Variants in SRCAP observed in about 807,000 individuals in gnomAD.
The protein encoded by SRCAP is chromatin remodeling protein SRCAP.
SRCAP carries 46 observed loss-of-function variants against 263.1 expected under a neutral mutation model. The observed-to-expected ratio is 0.17, with a 90% CI of 0.14 to 0.22. The LOEUF (loss-of-function observed/expected upper bound fraction) is 0.22, where lower values mean the gene tolerates loss of function less well. Among genes scored for constraint, SRCAP ranks in the 10% least tolerant of loss-of-function variants. SRCAP has a pLI of 1.00. For synonymous variants in SRCAP, 1,813 were observed against 1,662.1 expected (o/e 1.09, Z -2.21); for missense variants, 3,695 against 4,181.9 (o/e 0.88, Z 3.21).
chr16:30,699,758 C>A (rs548871574), intron 1 of SRCAP, 150 bp from the exon 2 acceptor site: 1 of 152,358 alleles, frequency 6.6e-6, no homozygotes, highest in Admixed American at 6.5e-5. Context: ...TATGTCCCTC[C>A]GGAATTCACA....
chr16:30,720,172 T>C lies in SRCAP; in HGVS notation c.2828T>C (p.Met943Thr). The change falls in exon 19 of 34, where the codon ATG becomes ACG. Residue 943 changes from methionine (M) to threonine (T), a missense_variant. By Grantham distance (81) the Met-to-Thr change is moderately conservative. Transcript: ENST00000262518. The part of the protein sequence containing the change: ...TDVHPLQRID[M>T]GRFDLIGLEG... ...TCTTTCTTGTGGCAGCGGATAGACATGGGTCGATTTGACCTTATTGGCCTG... is the reference window on the plus strand; with the variant it reads ...TCTTTCTTGTGGCAGCGGATAGACACGGGTCGATTTGACCTTATTGGCCTG... The C allele has an allele frequency of 6.2e-7, 1 of 1,609,140 alleles. No individual in the cohort carries two copies.
In SRCAP at chr16:30,738,056, G is replaced by A; in HGVS notation, c.8016G>A (p.Arg2672=). Residue 2672 remains arginine (R), a synonymous_variant, in exon 34 of 34, where the codon AGG becomes AGA. Coordinates refer to ENST00000262518, the MANE Select transcript of SRCAP (RefSeq NM_006662.3). ...EPLQEPLEAD[R]TSEELTEAKT... is the part of the protein sequence containing the mutation. ...TTCAGGAGCCACTGGAGGCTGACAGGACCTCGGAAGAGCTGACAGAGGCCA... is the reference window on the plus strand; with the variant it reads ...TTCAGGAGCCACTGGAGGCTGACAGAACCTCGGAAGAGCTGACAGAGGCCA... The A allele has an allele frequency of 1.2e-6, 2 of 1,614,126 alleles. No individual in the cohort carries two copies. Among genetic ancestry groups the A allele is most frequent in the Non-Finnish European group, 1.7e-6 (2 of 1,180,028 alleles).
intron 16 of SRCAP, among the ~76,000 whole-genome samples, chr16:30,715,697 A>G (rs1282045233): frequency 6.6e-6 from 1 of 151,838 alleles, no homozygotes; most frequent in African/African-American, 2.4e-5. Flanking sequence ...ATCTTCTGAG[A>G]TTACAGATTT....
chr16:30,705,490 C>G (rs2052816404), intron 4 of SRCAP, among the ~76,000 whole-genome samples: 1 of 151,990 alleles, frequency 6.6e-6, no homozygotes, highest in Non-Finnish European at 1.5e-5. Context: ...GCTCCGCCTC[C>G]CGGGTTCACA....
intron 31 of SRCAP, among the ~76,000 whole-genome samples, chr16:30,735,566 A>ATTT (rs1834553727): frequency 1.3e-4 from 6 of 46,196 alleles, no homozygotes; most frequent in African/African-American, 4.0e-4. Context: ...TTTTGACATT[A>ATTT]CTTTTTTTTT....
In SRCAP at chr16:30,726,458, G is replaced by T. The variant is rs933414087; in HGVS notation, c.5658+1376G>T. ...ACTGCCAGACTTTTCCAAAGTGGCT[G>T]CAGCATTTGACATTACCACCAGCAG... On this transcript the variant is annotated intron_variant, in intron 25 of 33. Coordinates refer to ENST00000262518, the MANE Select transcript of SRCAP (RefSeq NM_006662.3). 3.9e-5 allele frequency among the ~76,000 whole-genome samples: 6 copies of T among 152,126 alleles called. No individual in the cohort carries two copies. The East Asian group carries it at 1.2e-3, about 29-fold the overall frequency.
Position 30,704,392 on chromosome 16 carries a change from G to A in SRCAP, c.306+77G>A, listed in dbSNP as rs1484216614. 7 of 1,497,180 alleles carry A rather than the reference G, an allele frequency of 4.7e-6. No homozygotes were observed. The African/African-American group carries it at 7.0e-5, about 15-fold the overall frequency. 92.7% of individuals were successfully genotyped at this position (1,497,180 alleles called of 1,614,324 possible). ...TCCCACGTCCTCTTGAGTATTTTATGTTTCTTTTCTTTTTTGTCATGGATT... is the reference window on the plus strand; with the variant it reads ...TCCCACGTCCTCTTGAGTATTTTATATTTCTTTTCTTTTTTGTCATGGATT... On this transcript the variant is annotated intron_variant, in intron 4 of 33. Coordinates refer to ENST00000262518, the MANE Select transcript of SRCAP (RefSeq NM_006662.3).
At chr16:30,716,521 C>T (rs2052952310) in intron 18 of SRCAP, 42 bp downstream of exon 18, 2 of 1,555,360 alleles carry the variant, frequency 1.3e-6, no homozygotes, top group African/African-American at 1.4e-5. Context: ...AGGTTATCGG[C>T]ATTACTCCAA....
chr16:30,729,222 T>C lies in SRCAP; in HGVS notation c.5915T>C (p.Ile1972Thr), dbSNP rs1368909848. ...CAGCGACTAGACCAGCTGTCAGAAA[T>C]CATTGAGAGGTTGGCAGGGCTAAGT... ...PQQRLDQLSE[I>T]IERFIFVMPP... The change falls in exon 26 of 34, where the codon ATC becomes ACC. Residue 1972 changes from isoleucine (I) to threonine (T), a missense_variant. By Grantham distance (89) the Ile-to-Thr change is moderately conservative. Coordinates refer to ENST00000262518, the MANE Select transcript of SRCAP (RefSeq NM_006662.3). The C allele has an allele frequency of 6.2e-7, 1 of 1,606,648 alleles. No homozygotes were observed. Among genetic ancestry groups the C allele is most frequent in the Non-Finnish European group, 8.5e-7 (1 of 1,174,722 alleles).
At position 30,722,638 on chromosome 16, in the gene SRCAP, AGGCCGT is replaced by A. The variant is rs2053022089; in HGVS notation, c.3787_3792del (p.Val1263_Ala1264del). The A allele has an allele frequency of 1.2e-6, 2 of 1,613,976 alleles. No individual in the cohort carries two copies. The highest frequency in any genetic ancestry group is 1.7e-6 in the Non-Finnish European group (2 of 1,179,996). ...CAGCCTGCCCATGTGGCCCTCATCC[AGGCCGT>A]GGCCCCGACCCCTGGCCCTACCCCT... On this transcript the variant is annotated inframe_deletion, in exon 23 of 34. Transcript: ENST00000262518.
chr16:30,720,083 A>G (rs1222271829), intron 18 of SRCAP, 79 bp from the exon 19 acceptor site: 35 of 1,486,078 alleles, frequency 2.4e-5, no homozygotes, highest in Non-Finnish European at 2.9e-5. Flanking sequence ...ACTTAAGGAT[A>G]ATGGCCTCCA....
At chr16:30,710,699 A>G (rs763249669) in intron 8 of SRCAP, 55 bp from the exon 9 acceptor site, 1 of 1,577,998 alleles carries the variant, frequency 6.3e-7, no homozygotes, top group East Asian at 2.2e-5. Context: ...AGTTTGTGCC[A>G]TTCTTCTGCT....
intron 33 of SRCAP, 124 bp from the exon 34 acceptor site, chr16:30,736,925 T>TG: frequency 8.7e-7 from 1 of 1,153,172 alleles, no homozygotes; most frequent in Non-Finnish European, 1.2e-6. Flanking sequence ...CTGCTGGCCT[T>TG]AACTTCCCCA....
intron 24 of SRCAP, 99 bp from the exon 25 acceptor site, chr16:30,723,485 C>T: frequency 2.0e-6 from 3 of 1,513,268 alleles, no homozygotes; most frequent in Non-Finnish European, 2.6e-6. Flanking sequence ...TGAATGCCTT[C>T]TGGGAAATGG....
In SRCAP at chr16:30,739,406, G is replaced by A. The variant is rs1210733575; in HGVS notation, c.9366G>A (p.Leu3122=). 1 of 1,614,226 alleles carries A rather than the reference G, an allele frequency of 6.2e-7. No individual in the cohort carries two copies. Among genetic ancestry groups the A allele is most frequent in the Non-Finnish European group, 8.5e-7 (1 of 1,180,026 alleles). ...SLTPKLRSTR[L]RPGSLVPPLE... is the part of the protein sequence containing the mutation. ...CCCCAAAACTGCGCTCGACCCGGCTGCGTCCAGGGTCTCTAGTCCCCCCAC... is the reference window on the plus strand; with the variant it reads ...CCCCAAAACTGCGCTCGACCCGGCTACGTCCAGGGTCTCTAGTCCCCCCAC... Residue 3122 remains leucine (L), a synonymous_variant, in exon 34 of 34, where the codon CTG becomes CTA. Coordinates refer to ENST00000262518, the MANE Select transcript of SRCAP (RefSeq NM_006662.3).
chr16:30,704,444 T>A lies in SRCAP; in HGVS notation c.306+129T>A, dbSNP rs559458235. 173 of 1,178,450 alleles carry A rather than the reference T, an allele frequency of 1.5e-4. No individual in the cohort carries two copies. Among genetic ancestry groups the A allele is most frequent in the Admixed American group, 5.2e-4 (19 of 36,250 alleles). The allele number at this position is 1,178,450 out of a possible 1,614,324, so 73.0% of individuals were successfully genotyped here. Reference sequence around the variant, plus strand: ...AGGGTATAGGTTCTGCCTTAATGTATATGATCGTGAGCAAACTGCTTGAAT... The same window carrying A: ...AGGGTATAGGTTCTGCCTTAATGTAAATGATCGTGAGCAAACTGCTTGAAT... On this transcript the variant is annotated intron_variant, in intron 4 of 33. Transcript: ENST00000262518.
In SRCAP at chr16:30,704,125, C is replaced by G. The variant is rs1268288611; in HGVS notation, c.116C>G (p.Ala39Gly). 2 of 1,614,168 alleles carry G rather than the reference C, an allele frequency of 1.2e-6. No homozygotes were observed. Among genetic ancestry groups the G allele is most frequent in the Admixed American group, 1.7e-5 (1 of 60,018 alleles). The change falls in exon 4 of 34, where the codon GCC (alanine) becomes GGC (glycine). Residue 39 changes from alanine (A) to glycine (G), a missense_variant. Coordinates refer to ENST00000262518, the MANE Select transcript of SRCAP (RefSeq NM_006662.3). ...TCCCCTGCCTCATCCAGTTCCCCAG[C>G]CTCTAGTGGGGCAGGCGGCATCTCC... ...PVSPASSSSP[A>G]SSGAGGISPQ...
chr16:30,706,955 G>T (rs897398640), intron 4 of SRCAP, among the ~76,000 whole-genome samples: 6 of 152,144 alleles, frequency 3.9e-5, no homozygotes, highest in African/African-American at 1.4e-4. Context: ...CTTTCTAGCT[G>T]TGTGATCTTG....
intron 18 of SRCAP, among the ~76,000 whole-genome samples, chr16:30,719,955 G>T (rs565420894): frequency 6.6e-6 from 1 of 152,110 alleles, no homozygotes; most frequent in Non-Finnish European, 1.5e-5. Context: ...CCCCTTGCCC[G>T]CCACAGTCGT....
Sources: allele counts gnomAD v4.1 joint callset (sites outside exome capture counted in the v4.1 genomes callset), GRCh38; gene constraint gnomAD v4.1.1; transcripts MANE v1.5; gene names NCBI Gene and HGNC (gene_info 2026-07-23, HGNC 2026-07-21).